Variants in FABP6 observed in about 807,000 individuals in gnomAD.
The protein encoded by FABP6 is gastrotropin.
A neutral mutation model predicts 14.9 loss-of-function variants in FABP6; 13 were observed. That is an observed-to-expected ratio of 0.87 (90% CI 0.57 to 1.39). FABP6 has a LOEUF of 1.39. Ranked by LOEUF, FABP6 falls within the 40% of genes most tolerant of loss-of-function variation. The pLI is 0.00. For synonymous variants in FABP6, 75 were observed against 63.6 expected, an observed-to-expected ratio of 1.18 and a Z score of -0.85; for missense variants, 161 against 167.2, an observed-to-expected ratio of 0.96 and a Z score of 0.20.
intron 1 of FABP6, among the ~76,000 whole-genome samples, chr5:160,195,109 A>T (rs1353084663): frequency 6.6e-6 from 1 of 151,762 alleles, no homozygotes; most frequent in Non-Finnish European, 1.5e-5. Context: ...ACATGGTGAA[A>T]CCCCGACTCT....
At chr5:160,206,352 C>T (rs1408033218) in intron 2 of FABP6, among the ~76,000 whole-genome samples, 2 of 151,978 alleles carry the variant, frequency 1.3e-5, no homozygotes, top group Admixed American at 1.3e-4. Flanking sequence ...CGCTTGAACC[C>T]GGGAGGCAGA....
intron 1 of FABP6, chr5:160,196,600 T>C (rs569742362): frequency 2.0e-5 from 3 of 152,374 alleles, no homozygotes; most frequent in East Asian, 3.9e-4. Context: ...TGAGATGGAG[T>C]CTTGCTCTGT....
At chr5:160,193,463 C>T (rs1759443689) in intron 1 of FABP6, among the ~76,000 whole-genome samples, 2 of 152,246 alleles carry the variant, frequency 1.3e-5, no homozygotes, top group Admixed American at 6.5e-5. Flanking sequence ...CTGGCTCAGG[C>T]AGCCTGCTTT....
At chr5:160,204,399 G>T (rs375579478) in intron 2 of FABP6, among the ~76,000 whole-genome samples, 2 of 151,978 alleles carry the variant, frequency 1.3e-5, no homozygotes, top group African/African-American at 4.8e-5. Flanking sequence ...GAAATTCCAC[G>T]AAGGGCACAC....
At chr5:160,222,599 G>C (rs1224179171) in intron 3 of FABP6, among the ~76,000 whole-genome samples, 1 of 152,178 alleles carries the variant, frequency 6.6e-6, no homozygotes, top group Non-Finnish European at 1.5e-5. Context: ...CTCCCAAAGT[G>C]TTGGGATTAC....
At chr5:160,199,742 C>A (rs1759592432) in intron 2 of FABP6, among the ~76,000 whole-genome samples, 2 of 152,184 alleles carry the variant, frequency 1.3e-5, no homozygotes, top group African/African-American at 4.8e-5. Context: ...CCCCAGTGTC[C>A]GGCGCGGGGA....
intron 3 of FABP6, among the ~76,000 whole-genome samples, chr5:160,223,936 CA>C (rs533709503): frequency 0.13 from 16,804 of 134,186 alleles, 1,622 homozygotes; most frequent in East Asian, 0.35. Flanking sequence ...CCCATCTCTA[CA>C]AAAAAAAAAA....
chr5:160,210,037 C>T (rs1011501447), intron 2 of FABP6, among the ~76,000 whole-genome samples: 4 of 152,172 alleles, frequency 2.6e-5, no homozygotes, highest in African/African-American at 7.2e-5. Flanking sequence ...GTGATCTGAC[C>T]AGGGGAGTCT....
At chr5:160,187,761 A>ATTTATTTT (rs1400249189) in intron 1 of FABP6, among the ~76,000 whole-genome samples, 1 of 151,818 alleles carries the variant, frequency 6.6e-6, no homozygotes, top group African/African-American at 2.4e-5. Context: ...TTATTTATTT[A>ATTTATTTT]TTTATTTTTT....
At chr5:160,204,209 G>C (rs1263549475) in intron 2 of FABP6, among the ~76,000 whole-genome samples, 1 of 151,598 alleles carries the variant, frequency 6.6e-6, no homozygotes, top group African/African-American at 2.4e-5. Flanking sequence ...TGTAGTCTTA[G>C]CTACTTGGGA....
At chr5:160,214,089 CTCTTTCTTTCTTTCTTTCTTTCTT>C (rs10605033) in intron 3 of FABP6, among the ~76,000 whole-genome samples, 1,656 of 116,386 alleles carry the variant, frequency 0.014, 21 homozygotes, top group African/African-American at 0.017. Flanking sequence ...GCCTGCCTTT[CTCTTTCTTTCTTTCTTTCTTTCTT>C]TCTTTCTTTC....
At chr5:160,224,982 G>T (rs909628676), upstream of FABP6, among the ~76,000 whole-genome samples, 1 of 151,786 alleles carries the variant, frequency 6.6e-6, no homozygotes, top group Non-Finnish European at 1.5e-5. Context: ...TTTTTGACAT[G>T]TTGGCCAGGC....
chr5:160,192,740 T>A lies in FABP6; in HGVS notation c.-59+5286T>A, dbSNP rs6871013. Reference sequence around the variant, plus strand: ...GTACAGTAAGGCCAGGCAAGGCGCATGCGCCCAGGTTCTACTGAAAGGCCG... The same window carrying A: ...GTACAGTAAGGCCAGGCAAGGCGCAAGCGCCCAGGTTCTACTGAAAGGCCG... On this transcript the variant is annotated intron_variant, in intron 1 of 6. Coordinates refer to the FABP6 transcript ENST00000393980. Among the ~76,000 whole-genome samples, 982 of 152,316 alleles carry A rather than the reference T, an allele frequency of 6.4e-3. 10 individuals carry two copies. Among genetic ancestry groups the A allele is most frequent in the African/African-American group, 0.023 (947 of 41,576 alleles).
chr5:160,235,222 G>C (rs35956344), intron 3 of FABP6, among the ~76,000 whole-genome samples: 3,908 of 152,236 alleles, frequency 0.026, 77 homozygotes, highest in Middle Eastern at 0.071. Context: ...TCTGGGACAC[G>C]AGACTGGAAG....
At chr5:160,232,957 G>A (rs1561756974) in intron 2 of FABP6, among the ~76,000 whole-genome samples, 1 of 147,150 alleles carries the variant, frequency 6.8e-6, no homozygotes, top group African/African-American at 2.5e-5. Flanking sequence ...ACAGGGGCAG[G>A]CCTTTACACC....
chr5:160,201,393 T>G (rs1759636582), intron 2 of FABP6, among the ~76,000 whole-genome samples: 2 of 143,824 alleles, frequency 1.4e-5, no homozygotes, highest in African/African-American at 5.1e-5. Context: ...ACTAGTGGTT[T>G]CGTTTGCCTA....
chr5:160,201,350 C>A (rs1759635566), intron 2 of FABP6, among the ~76,000 whole-genome samples: 1 of 150,594 alleles, frequency 6.6e-6, no homozygotes. Flanking sequence ...AAAGCGAGAC[C>A]CTGTCTCAAA....
At chr5:160,220,826 G>A (rs1224366874) in intron 3 of FABP6, among the ~76,000 whole-genome samples, 2 of 151,894 alleles carry the variant, frequency 1.3e-5, no homozygotes, top group African/African-American at 2.4e-5. Context: ...CGTGGCTCAC[G>A]CCTGTAATCC....
chr5:160,209,169 C>T (rs1170719452), intron 2 of FABP6, among the ~76,000 whole-genome samples: 3 of 151,868 alleles, frequency 2.0e-5, no homozygotes, highest in African/African-American at 7.3e-5. Flanking sequence ...CTGCAGTGAG[C>T]CATCTTTGCA....
Sources: allele counts gnomAD v4.1 joint callset (sites outside exome capture counted in the v4.1 genomes callset), GRCh38; gene constraint gnomAD v4.1.1; transcripts MANE v1.5; gene names NCBI Gene and HGNC (gene_info 2026-07-23, HGNC 2026-07-21).